The following MYH7B variants were observed in gnomAD, a reference collection of about 807,000 sequenced individuals.
The protein encoded by MYH7B is myosin heavy chain 7B.
In MYH7B, 205 loss-of-function variants were observed where a neutral mutation model predicts 234.5. The ratio of observed to expected loss-of-function variants is 0.87; its 90% confidence interval spans 0.78 to 0.98. The LOEUF (loss-of-function observed/expected upper bound fraction) is 0.98, where lower values mean the gene tolerates loss of function less well. MYH7B is among the 50% of genes least tolerant of loss of function. The pLI is 0.00. For synonymous variants in MYH7B, 1,193 were observed against 1,105.0 expected (o/e 1.08, Z -1.58); for missense variants, 2,652 against 2,633.4 (o/e 1.01, Z -0.15).
At chr20:34,994,625 A>T (rs1212734139) in intron 27 of MYH7B, among the ~76,000 whole-genome samples, 1 of 152,166 alleles carries the variant, frequency 6.6e-6, no homozygotes, top group Non-Finnish European at 1.5e-5. Flanking sequence ...CCGCTAAAGC[A>T]GAGGAACCCC....
intron 2 of MYH7B, among the ~76,000 whole-genome samples, chr20:34,966,751 T>C (rs924573233): frequency 1.3e-5 from 2 of 152,102 alleles, no homozygotes; most frequent in African/African-American, 4.8e-5. Flanking sequence ...ATTATCTCAA[T>C]AGAAATTTTA....
At chr20:34,968,441 C>G (rs1351219963) in intron 2 of MYH7B, among the ~76,000 whole-genome samples, 1 of 152,296 alleles carries the variant, frequency 6.6e-6, no homozygotes, top group Admixed American at 6.5e-5. Context: ...ATTGAAGCTC[C>G]GTGAGGAAGA....
chr20:34,989,563 TTC>T (rs1241007100), intron 19 of MYH7B, among the ~76,000 whole-genome samples, 175 bp from the exon 20 acceptor site: 2 of 152,186 alleles, frequency 1.3e-5, no homozygotes, highest in South Asian at 2.1e-4. Flanking sequence ...CCACAAACTT[TTC>T]TCTGTTAGGA....
At chr20:34,995,448 A>G in exon 28 of MYH7B, 1 of 1,613,684 alleles carries the variant, frequency 6.2e-7, no homozygotes, top group Non-Finnish European at 8.5e-7. Flanking sequence ...GATGAGGAGG[A>G]GGTGAACGCT....
chr20:34,981,175 C>A (rs1482644007), intron 9 of MYH7B, 115 bp downstream of exon 9: 4 of 1,306,770 alleles, frequency 3.1e-6, no homozygotes, highest in East Asian at 4.7e-5. Context: ...AGGACTTTTA[C>A]CACCTGGAGC....
In MYH7B at chr20:35,000,292, G is replaced by A. The variant is rs777072332; in HGVS notation, c.4782-1G>A. On this transcript the variant is annotated splice_acceptor_variant, in intron 38 of 44. Coordinates refer to ENST00000262873, the Ensembl canonical transcript of MYH7B. LOFTEE classifies it high-confidence loss of function. ...CCTTTCATGCCACCCTCCTCCCATAGGCGCAACCACCAGCGAGCTGTGGAG... is the reference window on the plus strand; with the variant it reads ...CCTTTCATGCCACCCTCCTCCCATAAGCGCAACCACCAGCGAGCTGTGGAG... 2 of 1,569,440 alleles carry A rather than the reference G, an allele frequency of 1.3e-6. No homozygotes were observed. The highest frequency in any genetic ancestry group is 1.7e-4 in the Middle Eastern group (1 of 5,946).
chr20:34,980,597 G>T (rs1298734652), exon 8 of MYH7B: 5 of 1,614,092 alleles, frequency 3.1e-6, no homozygotes. Flanking sequence ...GGCCTCTTCT[G>T]TGTCACCATC....
At chr20:34,995,336 G>C (rs2082234657) in exon 28 of MYH7B, 5 of 1,612,094 alleles carry the variant, frequency 3.1e-6, no homozygotes, top group Non-Finnish European at 4.2e-6. Flanking sequence ...TGCCCTCCAG[G>C]AGCAGGACAA....
At chr20:34,980,852 G>A in intron 8 of MYH7B, 118 bp downstream of exon 8, 1 of 1,508,068 alleles carries the variant, frequency 6.6e-7, no homozygotes, top group Non-Finnish European at 9.1e-7. Context: ...GCTGGACATG[G>A]TCGCCCAGCC....
rs369533826 is a variant in MYH7B at position 34,984,951 on chromosome 20, G to A, written c.741+5G>A. ...AATGATAACTCCTCCCGCTTTGTGA[G>A]TGGCTGAGGTGGGAGGGGTGGCGGG... is the stretch of plus-strand genomic sequence containing the variant. On this transcript the variant is annotated splice_donor_5th_base_variant and intron_variant, in intron 12 of 44. Transcript: ENST00000262873. The A allele has an allele frequency of 1.2e-6, 2 of 1,612,806 alleles. No homozygotes were observed. Among genetic ancestry groups the A allele is most frequent in the African/African-American group, 1.3e-5 (1 of 74,922 alleles).
intron 2 of MYH7B, among the ~76,000 whole-genome samples, chr20:34,965,687 A>G (rs953118430): frequency 2.0e-5 from 3 of 152,224 alleles, no homozygotes; most frequent in Admixed American, 6.5e-5. Context: ...GAAAGGACCT[A>G]GTTTAGTTAA....
rs768651040 is a variant in MYH7B at position 35,002,103 on chromosome 20, C to T, written c.5814+18C>T. 3 of 1,611,516 alleles carry T rather than the reference C, an allele frequency of 1.9e-6. No individual in the cohort carries two copies. The African/African-American group carries it at 4.0e-5, about 22-fold the overall frequency. ...GCCCCAAGGTGAGGAGTGGCAGGGG[C>T]ATTGCTCTCTGTGCAGGGGGACTGT... On this transcript the variant is annotated intron_variant, in intron 44 of 44. Coordinates refer to ENST00000262873, the Ensembl canonical transcript of MYH7B.
chr20:34,978,447 G>T (rs1364183940), intron 5 of MYH7B, among the ~76,000 whole-genome samples: 1 of 152,196 alleles, frequency 6.6e-6, no homozygotes, highest in African/African-American at 2.4e-5. Flanking sequence ...CAAAACTTGT[G>T]CTGGGGTTAT....
chr20:35,000,706 C>A lies in MYH7B; in HGVS notation c.5178+17C>A. 1 of 1,600,202 alleles carries A rather than the reference C, an allele frequency of 6.2e-7. No individual in the cohort carries two copies. Among genetic ancestry groups the A allele is most frequent in the Non-Finnish European group, 8.5e-7 (1 of 1,173,866 alleles). ...CATTCGCAGGTGGGGACAGGAGTCC[C>A]TGGGGACAGAGCAGGTGCAGGCCTG... On this transcript the variant is annotated intron_variant, in intron 39 of 44. Coordinates refer to ENST00000262873, the Ensembl canonical transcript of MYH7B.
At chr20:34,967,129 T>C (rs907611704) in intron 2 of MYH7B, among the ~76,000 whole-genome samples, 3 of 151,468 alleles carry the variant, frequency 2.0e-5, no homozygotes, top group African/African-American at 7.3e-5. Flanking sequence ...CTGGGGAGGC[T>C]GAGGCAGGAG....
intron 35 of MYH7B, 55 bp from the exon 36 acceptor site, chr20:34,999,001 T>TGG (rs916918519): frequency 9.5e-6 from 15 of 1,582,144 alleles, no homozygotes; most frequent in African/African-American, 4.0e-5. Flanking sequence ...AGGGAGCTGC[T>TGG]GGGGCTGTTC....
chr20:34,987,606 C>T (rs746241605), exon 17 of MYH7B: 1 of 1,614,148 alleles, frequency 6.2e-7, no homozygotes, highest in Non-Finnish European at 8.5e-7. Context: ...GGGACCTCCT[C>T]AAAGGCCTTT....
exon 30 of MYH7B, chr20:34,996,753 CAAG>C (rs2082267778): frequency 3.7e-6 from 6 of 1,610,834 alleles, no homozygotes; most frequent in Non-Finnish European, 5.1e-6. Context: ...AGGAGAAGCT[CAAG>C]AAGTAGGTGT....
chr20:34,979,419 C>T lies in MYH7B; in HGVS notation c.121C>T (p.Gln41Ter). The change falls in exon 6 of 45, where the codon CAG (glutamine) becomes TAG (stop). Residue 41 changes from glutamine to a stop codon, truncating the protein, a stop_gained. Coordinates refer to ENST00000262873, the Ensembl canonical transcript of MYH7B. LOFTEE classifies it high-confidence loss of function. ...GAAGCGAGTCTGGGTGCCTGATGAA[C>T]AGGACGCCTACGTGGAGGCCGAGGT... 1.2e-6 allele frequency: 2 copies of T among 1,613,824 alleles called. No individual in the cohort carries two copies. Among genetic ancestry groups the T allele is most frequent in the Non-Finnish European group, 8.5e-7 (1 of 1,179,846 alleles).
Sources: gnomAD v4.1 joint callset for allele counts (sites outside exome capture counted in the v4.1 genomes callset) on GRCh38, gnomAD v4.1.1 for gene constraint, MANE v1.5 for transcripts, NCBI Gene and HGNC (gene_info 2026-07-23, HGNC 2026-07-21) for gene names.